Variants in PARD3B observed in about 807,000 individuals in gnomAD.
PARD3B encodes the protein par-3 family cell polarity regulator beta.
PARD3B carries 103 observed loss-of-function variants against 130.2 expected under a neutral mutation model. That is an observed-to-expected ratio of 0.79 (90% confidence interval 0.67 to 0.93). The LOEUF (loss-of-function observed/expected upper bound fraction) is 0.93, where lower values mean the gene tolerates loss of function less well. Among genes scored for constraint, PARD3B ranks in the 40% least tolerant of loss-of-function variants. PARD3B has a pLI of 0.00. For missense variants in PARD3B, 1,609 were observed against 1,499.2 expected, an observed-to-expected ratio of 1.07 and a Z score of -1.21; for synonymous variants, 583 against 553.2, an observed-to-expected ratio of 1.05 and a Z score of -0.76.
chr2:205,469,611 G>C (rs932277555), intron 20 of PARD3B, among the ~76,000 whole-genome samples: 5 of 152,120 alleles, frequency 3.3e-5, no homozygotes, highest in Admixed American at 2.6e-4. Context: ...GCCTAATCTT[G>C]GCTGATACCT....
chr2:205,156,553 A>AG (rs1458497023), intron 10 of PARD3B, among the ~76,000 whole-genome samples: 3 of 151,566 alleles, frequency 2.0e-5, no homozygotes, highest in Non-Finnish European at 2.9e-5. Context: ...TAAAAAAAAA[A>AG]AGAGAGTCTG....
At chr2:204,910,570 A>G (rs10208185) in intron 2 of PARD3B, among the ~76,000 whole-genome samples, 34,460 of 152,244 alleles carry the variant, frequency 0.23, 4,463 homozygotes, top group Non-Finnish European at 0.29. Context: ...TGACCCTACA[A>G]TGTTTGGCTT....
intron 18 of PARD3B, among the ~76,000 whole-genome samples, chr2:205,383,625 A>G (rs1026733398): frequency 6.6e-6 from 1 of 152,084 alleles, no homozygotes; most frequent in Non-Finnish European, 1.5e-5. Flanking sequence ...ACATACGGTG[A>G]AATTCACTCT....
At chr2:205,496,622 TC>T in intron 20 of PARD3B, among the ~76,000 whole-genome samples, 1 of 152,286 alleles carries the variant, frequency 6.6e-6, no homozygotes, top group Non-Finnish European at 1.5e-5. Context: ...ACTTTCTGAA[TC>T]CTGAACAGCT....
chr2:205,032,367 A>G (rs1358013781), intron 3 of PARD3B, among the ~76,000 whole-genome samples: 1 of 152,092 alleles, frequency 6.6e-6, no homozygotes, highest in Admixed American at 6.6e-5. Context: ...AAAGGCTTAG[A>G]CAGCTGGGCT....
intron 22 of PARD3B, among the ~76,000 whole-genome samples, chr2:205,567,114 G>C (rs1169642594): frequency 6.6e-6 from 1 of 152,072 alleles, no homozygotes; most frequent in Non-Finnish European, 1.5e-5. Context: ...AAAGGGTAAA[G>C]AGGAACAAGT....
At chr2:205,505,166 C>A (rs916219282) in intron 21 of PARD3B, among the ~76,000 whole-genome samples, 3 of 151,600 alleles carry the variant, frequency 2.0e-5, no homozygotes, top group Non-Finnish European at 4.4e-5. Context: ...CGCATGTTCT[C>A]ACCCGTAGGT....
chr2:205,037,322 A>G (rs1021946071), intron 3 of PARD3B, among the ~76,000 whole-genome samples: 1 of 145,562 alleles, frequency 6.9e-6, no homozygotes, highest in Admixed American at 7.0e-5. Flanking sequence ...TATATAGTGG[A>G]CTATTTGTAT....
At chr2:205,576,912 C>T (rs2053780300) in intron 22 of PARD3B, among the ~76,000 whole-genome samples, 1 of 152,164 alleles carries the variant, frequency 6.6e-6, no homozygotes, top group Admixed American at 6.5e-5. Flanking sequence ...AGTATTGAGT[C>T]TTCCATCCAT....
chr2:204,817,186 G>C (rs138577813), intron 2 of PARD3B, among the ~76,000 whole-genome samples: 2 of 151,240 alleles, frequency 1.3e-5, no homozygotes, highest in Non-Finnish European at 2.9e-5. Flanking sequence ...TGAGTTCTGC[G>C]TCAGTTTTGA....
chr2:205,217,813 T>C (rs530152523), intron 15 of PARD3B, among the ~76,000 whole-genome samples: 3 of 55,380 alleles, frequency 5.4e-5, no homozygotes, highest in African/African-American at 2.9e-4. Context: ...TGTGTGTATA[T>C]ATGTATATGT....
At chr2:205,381,453 A>G (rs1416177809) in intron 18 of PARD3B, among the ~76,000 whole-genome samples, 1 of 151,532 alleles carries the variant, frequency 6.6e-6, no homozygotes, top group Non-Finnish European at 1.5e-5. Context: ...CTGTGTTCAA[A>G]GTAGATAATG....
At chr2:204,835,965 A>G (rs945477363) in intron 2 of PARD3B, among the ~76,000 whole-genome samples, 11 of 152,260 alleles carry the variant, frequency 7.2e-5, no homozygotes, top group Non-Finnish European at 1.3e-4. Flanking sequence ...TAGTAAGTCA[A>G]GGAGCATCTG....
chr2:205,549,094 T>C (rs957799904), intron 21 of PARD3B, among the ~76,000 whole-genome samples: 1 of 152,156 alleles, frequency 6.6e-6, no homozygotes, highest in Non-Finnish European at 1.5e-5. Context: ...TTAGAATGGC[T>C]ACAATTGGGA....
intron 3 of PARD3B, among the ~76,000 whole-genome samples, chr2:204,988,929 C>A (rs750631991): frequency 1.3e-5 from 2 of 152,154 alleles, no homozygotes; most frequent in Non-Finnish European, 2.9e-5. Context: ...AAAAGAAATA[C>A]GTTCATCTCT....
intron 2 of PARD3B, among the ~76,000 whole-genome samples, chr2:204,954,879 ATT>A (rs1041511001): frequency 6.6e-6 from 1 of 152,170 alleles, no homozygotes; most frequent in Non-Finnish European, 1.5e-5. Flanking sequence ...TCAGTTCTTT[ATT>A]TGTCTTTAGA....
At chr2:205,383,492 T>C (rs916517317) in intron 18 of PARD3B, among the ~76,000 whole-genome samples, 4 of 152,120 alleles carry the variant, frequency 2.6e-5, no homozygotes, top group Admixed American at 6.6e-5. Context: ...GATACTTAGT[T>C]ATTTTCTTTC....
At chr2:204,903,216 G>C (rs188894699) in intron 2 of PARD3B, among the ~76,000 whole-genome samples, 43 of 152,328 alleles carry the variant, frequency 2.8e-4, no homozygotes, top group African/African-American at 7.9e-4. Flanking sequence ...CTAGGATTAT[G>C]AGAGATGGAA....
intron 1 of PARD3B, among the ~76,000 whole-genome samples, chr2:204,644,895 A>G (rs905659057): frequency 3.9e-5 from 6 of 152,188 alleles, no homozygotes; most frequent in Non-Finnish European, 8.8e-5. Context: ...AAGTATGAAA[A>G]ACCTTTTAAA....
Sources: gnomAD v4.1 joint callset for allele counts (sites outside exome capture counted in the v4.1 genomes callset) on GRCh38, gnomAD v4.1.1 for gene constraint, MANE v1.5 for transcripts, NCBI Gene and HGNC (gene_info 2026-07-23, HGNC 2026-07-21) for gene names.